Variants in PCDH9 observed in about 807,000 individuals in gnomAD.
PCDH9 encodes the protein protocadherin-9.
In PCDH9, 24 loss-of-function variants were observed where a neutral mutation model predicts 70.6. The observed-to-expected ratio is 0.34, with a 90% confidence interval of 0.25 to 0.48. The LOEUF is 0.48. Ranked by LOEUF, PCDH9 falls within the 20% of genes least tolerant of loss-of-function variation. The pLI is 0.99. For missense variants in PCDH9, 1,281 were observed against 1,503.6 expected (o/e 0.85, Z 2.45); for synonymous variants, 562 against 558.5 (o/e 1.01, Z -0.09).
At chr13:66,849,966 G>C (rs796885884) in intron 3 of PCDH9, among the ~76,000 whole-genome samples, 7 of 152,238 alleles carry the variant, frequency 4.6e-5, no homozygotes, top group African/African-American at 1.7e-4. Context: ...GGGAAGGAAA[G>C]GTCAGTCCCT....
At chr13:67,084,892 G>A (rs1203365970) in intron 2 of PCDH9, among the ~76,000 whole-genome samples, 4 of 133,694 alleles carry the variant, frequency 3.0e-5, no homozygotes, top group East Asian at 2.4e-4. Flanking sequence ...GCTTAAACCC[G>A]GAAGGTGGAG....
At chr13:66,374,286 C>T (rs937950445) in intron 4 of PCDH9, among the ~76,000 whole-genome samples, 1 of 151,808 alleles carries the variant, frequency 6.6e-6, no homozygotes, top group Non-Finnish European at 1.5e-5. Context: ...CAGGTAAGTT[C>T]TCCATATAGC....
At chr13:66,752,778 C>T (rs760193448) in intron 3 of PCDH9, among the ~76,000 whole-genome samples, 1 of 152,150 alleles carries the variant, frequency 6.6e-6, no homozygotes, top group Non-Finnish European at 1.5e-5. Context: ...GAAAAGAAGG[C>T]TCTAAGGTCC....
At chr13:66,615,893 G>C (rs2077349368) in intron 4 of PCDH9, among the ~76,000 whole-genome samples, 1 of 152,184 alleles carries the variant, frequency 6.6e-6, no homozygotes, top group Non-Finnish European at 1.5e-5. Context: ...CTATCTGTGG[G>C]TATTCTTATG....
At chr13:66,668,904 G>T (rs1411485395) in intron 3 of PCDH9, among the ~76,000 whole-genome samples, 1 of 152,086 alleles carries the variant, frequency 6.6e-6, no homozygotes, top group African/African-American at 2.4e-5. Context: ...ATGGTCTCAG[G>T]TTTGTTTTTA....
At chr13:66,499,017 T>G (rs979044961) in intron 4 of PCDH9, among the ~76,000 whole-genome samples, 1 of 151,896 alleles carries the variant, frequency 6.6e-6, no homozygotes, top group African/African-American at 2.4e-5. Context: ...AACATTTTAC[T>G]TTTCATCATT....
chr13:66,935,089 G>T (rs1476079080), intron 2 of PCDH9, among the ~76,000 whole-genome samples: 2 of 150,974 alleles, frequency 1.3e-5, no homozygotes, highest in Admixed American at 6.6e-5. Context: ...TTGGAGACGG[G>T]GTCTCAATCT....
At chr13:67,116,250 G>C (rs2138285735) in intron 2 of PCDH9, among the ~76,000 whole-genome samples, 1 of 152,134 alleles carries the variant, frequency 6.6e-6, no homozygotes, top group South Asian at 2.1e-4. Context: ...CGGCCACACA[G>C]AATCAGGGAA....
chr13:66,849,485 G>T (rs1594146107), intron 3 of PCDH9, among the ~76,000 whole-genome samples: 1 of 72,316 alleles, frequency 1.4e-5, no homozygotes, highest in African/African-American at 5.4e-5. Flanking sequence ...ATCATAGGTA[G>T]GTATATATAT....
At chr13:66,896,703 A>G (rs2082185447) in intron 3 of PCDH9, among the ~76,000 whole-genome samples, 1 of 152,206 alleles carries the variant, frequency 6.6e-6, no homozygotes, top group Non-Finnish European at 1.5e-5. Context: ...TAATAACTAA[A>G]AATGTGTTTA....
At position 67,103,406 on chromosome 13, in the gene PCDH9, T is replaced by G. The variant is rs562082113; in HGVS notation, c.3036+121999A>C. On this transcript the variant is annotated intron_variant, in intron 2 of 4. Coordinates refer to ENST00000377865, the MANE Select transcript of PCDH9 (RefSeq NM_203487.3). ...GCTTTGTAAGTCAGTAATTCCACTTTCAAATATTTGTTTACACGTAACAAT... is the reference window on the plus strand; with the variant it reads ...GCTTTGTAAGTCAGTAATTCCACTTGCAAATATTTGTTTACACGTAACAAT... Among the ~76,000 whole-genome samples the G allele has an allele frequency of 3.9e-5, 6 of 152,264 alleles. No homozygotes were observed. The South Asian group carries it at 1.2e-3, about 32-fold the overall frequency.
intron 2 of PCDH9, among the ~76,000 whole-genome samples, chr13:67,103,780 GACTAGGGAAT>G (rs1407699821): frequency 9.9e-5 from 15 of 152,066 alleles, no homozygotes; most frequent in Non-Finnish European, 2.1e-4. Context: ...TTGAATGCTT[GACTAGGGAAT>G]TCCTACATCA....
At chr13:66,873,940 C>CTTTTTTTTTTTTTTTTTTTTTTTTTTT (rs528441546) in intron 3 of PCDH9, among the ~76,000 whole-genome samples, 1 of 111,128 alleles carries the variant, frequency 9.0e-6, no homozygotes, top group Non-Finnish European at 1.8e-5. Flanking sequence ...TTCTTTCTTT[C>CTTTTTTTTTTTTTTTTTTTTTTTTTTT]TTTTTTTTTT....
At chr13:66,439,109 C>T (rs1161073839) in intron 4 of PCDH9, among the ~76,000 whole-genome samples, 1 of 152,120 alleles carries the variant, frequency 6.6e-6, no homozygotes, top group Non-Finnish European at 1.5e-5. Flanking sequence ...CTGTTTCCTC[C>T]TGGATTTTAA....
chr13:66,890,603 A>G (rs1021266486), intron 3 of PCDH9, among the ~76,000 whole-genome samples: 1 of 152,026 alleles, frequency 6.6e-6, no homozygotes, highest in Non-Finnish European at 1.5e-5. Flanking sequence ...TTTGAAATGA[A>G]TTCATCAAGA....
intron 4 of PCDH9, among the ~76,000 whole-genome samples, chr13:66,366,733 A>G (rs1401460497): frequency 6.6e-6 from 1 of 152,052 alleles, no homozygotes; most frequent in Non-Finnish European, 1.5e-5. Flanking sequence ...TAGACACATA[A>G]TAAGCATCCC....
chr13:66,621,422 T>A (rs1344412256), intron 4 of PCDH9, among the ~76,000 whole-genome samples: 1 of 152,092 alleles, frequency 6.6e-6, no homozygotes, highest in Non-Finnish European at 1.5e-5. Context: ...GACCAAATAG[T>A]CCCTAGAGAT....
At chr13:67,167,502 A>G (rs74095384) in intron 2 of PCDH9, among the ~76,000 whole-genome samples, 2,965 of 152,304 alleles carry the variant, frequency 0.019, 107 homozygotes, top group African/African-American at 0.066. Flanking sequence ...GCCACTTTTC[A>G]TCAAACTTTT....
intron 4 of PCDH9, among the ~76,000 whole-genome samples, chr13:66,412,754 A>G (rs1452792251): frequency 6.6e-6 from 1 of 152,102 alleles, no homozygotes; most frequent in African/African-American, 2.4e-5. Flanking sequence ...GCTTGTATTT[A>G]TTTTAGTTGC....
Sources: allele counts gnomAD v4.1 joint callset (sites outside exome capture counted in the v4.1 genomes callset), GRCh38; gene constraint gnomAD v4.1.1; transcripts MANE v1.5; gene names NCBI Gene and HGNC (gene_info 2026-07-23, HGNC 2026-07-21).